NOX4: variants seen among roughly 807,000 people sequenced by gnomAD.
The protein encoded by NOX4 is kidney oxidase-1.
A neutral mutation model predicts 87.6 loss-of-function variants in NOX4; 69 were observed. The observed-to-expected ratio is 0.79, with a 90% CI of 0.65 to 0.96. The LOEUF (loss-of-function observed/expected upper bound fraction) is 0.96. Ranked by LOEUF, NOX4 falls within the 40% of genes least tolerant of loss-of-function variation. The pLI, the probability that NOX4 is intolerant of heterozygous loss-of-function variation, is 0.00. For synonymous variants in NOX4, 275 were observed against 238.2 expected (o/e 1.15, Z -1.42); for missense variants, 680 against 681.5 (o/e 1.00, Z 0.02).
chr11:89,347,851 A>G (rs1565183268), intron 13 of NOX4, among the ~76,000 whole-genome samples: 1 of 152,194 alleles, frequency 6.6e-6, no homozygotes, highest in African/African-American at 2.4e-5. Flanking sequence ...TGCTGGCCCC[A>G]TGCGGTAGCT....
chr11:89,570,527 C>T, the NOX4 span, among the ~76,000 whole-genome samples: 2 of 152,106 alleles, frequency 1.3e-5, no homozygotes, highest in East Asian at 3.9e-4. Flanking sequence ...AAGTGATTTT[C>T]AATATATATG....
Position 89,405,757 on chromosome 11 carries a change from A to C in NOX4, c.630-3215T>G, listed in dbSNP as rs941358645. Among the ~76,000 whole-genome samples, 117 of 151,970 alleles carry C rather than the reference A, an allele frequency of 7.7e-4. 2 individuals carry two copies. The East Asian group carries it at 0.02, about 26-fold the overall frequency. The stretch of plus-strand genomic sequence containing the variant: ...GCCACCTACTGGTTAAAAAAGAAAA[A>C]AAAAAAAAAACTTGCATGGTAAAGA... On this transcript the variant is annotated intron_variant, in intron 8 of 17. Coordinates refer to ENST00000263317, the MANE Select transcript of NOX4 (RefSeq NM_016931.5).
chr11:89,450,006 A>G (rs1309967028), intron 3 of NOX4, among the ~76,000 whole-genome samples: 2 of 152,204 alleles, frequency 1.3e-5, no homozygotes, highest in Non-Finnish European at 2.9e-5. Flanking sequence ...AATCTCATCT[A>G]TAGTTTGAAA....
intron 8 of NOX4, among the ~76,000 whole-genome samples, chr11:89,419,485 G>A (rs1287855849): frequency 6.6e-6 from 1 of 151,482 alleles, no homozygotes; most frequent in African/African-American, 2.4e-5. Flanking sequence ...CATACCAGAA[G>A]CATATCTATT....
At chr11:89,553,808 C>G in the NOX4 span, among the ~76,000 whole-genome samples, 1 of 151,588 alleles carries the variant, frequency 6.6e-6, no homozygotes, top group Non-Finnish European at 1.5e-5. Flanking sequence ...TTATCTTTAC[C>G]AGATAACTGG....
At chr11:89,542,868 G>A in the NOX4 span, among the ~76,000 whole-genome samples, 1 of 152,134 alleles carries the variant, frequency 6.6e-6, no homozygotes, top group African/African-American at 2.4e-5. Context: ...CAACAAAATA[G>A]GAAAAATAAT....
At chr11:89,402,606 A>T in intron 8 of NOX4, 64 bp from the exon 9 acceptor site, 2 of 1,242,270 alleles carry the variant, frequency 1.6e-6, no homozygotes, top group Non-Finnish European at 2.3e-6. Context: ...GGGACACGGT[A>T]AAAGAAAATA....
At chr11:89,373,329 A>G (rs1591051639) in intron 12 of NOX4, 103 bp downstream of exon 12, 7 of 640,688 alleles carry the variant, frequency 1.1e-5, no homozygotes, top group Non-Finnish European at 1.9e-5. Context: ...CTTGAAACAC[A>G]TACACATCTC....
At chr11:89,543,844 TGATA>T in the NOX4 span, among the ~76,000 whole-genome samples, 2 of 152,068 alleles carry the variant, frequency 1.3e-5, no homozygotes, top group Non-Finnish European at 2.9e-5. Context: ...TGTCTGAATT[TGATA>T]GATCAAGAAA....
chr11:89,532,360 G>T, the NOX4 span, among the ~76,000 whole-genome samples: 1 of 152,230 alleles, frequency 6.6e-6, no homozygotes, highest in South Asian at 2.1e-4. Flanking sequence ...TGCCCTGGAT[G>T]TGAGACATGG....
At chr11:89,541,572 T>G in the NOX4 span, among the ~76,000 whole-genome samples, 20 of 152,310 alleles carry the variant, frequency 1.3e-4, no homozygotes, top group Admixed American at 2.0e-4. Context: ...GTTTTCAGCA[T>G]AGTTGATGCT....
chr11:89,362,995 A>C (rs1405051143), intron 12 of NOX4, among the ~76,000 whole-genome samples: 27 of 152,116 alleles, frequency 1.8e-4, no homozygotes, highest in Admixed American at 1.7e-3. Flanking sequence ...TCATGGGCTA[A>C]AGGTCTAGCA....
At chr11:89,426,165 G>A (rs1481162187) in intron 7 of NOX4, among the ~76,000 whole-genome samples, 3 of 152,112 alleles carry the variant, frequency 2.0e-5, no homozygotes, top group African/African-American at 7.2e-5. Flanking sequence ...TTTCTCCAAA[G>A]TTTTGTATAG....
intron 6 of NOX4, among the ~76,000 whole-genome samples, chr11:89,440,451 C>T (rs1944406867): frequency 6.6e-6 from 1 of 152,058 alleles, no homozygotes; most frequent in African/African-American, 2.4e-5. Context: ...TCCTAAGTAG[C>T]TGGGATTACA....
chr11:89,491,323 A>C lies in NOX4; in HGVS notation c.-77T>G, dbSNP rs1946846801. ...GGGCGGCGGCCGGGGCAGCGGTTAC[A>C]GTTGTGCGGCCTGCCGGGCCGCTGA... On this transcript the variant is annotated 5_prime_UTR_variant, in exon 1 of 18. Coordinates refer to ENST00000263317, the MANE Select transcript of NOX4 (RefSeq NM_016931.5). 8 of 1,353,992 alleles carry C rather than the reference A, an allele frequency of 5.9e-6. No individual in the cohort carries two copies. The Admixed American group carries it at 1.9e-4, about 32-fold the overall frequency. 83.9% of individuals were successfully genotyped at this position (1,353,992 alleles called of 1,614,324 possible). A position where few individuals can be genotyped will look rare whatever the true frequency, so the allele number is the denominator to read the frequency against.
chr11:89,345,623 C>G (rs771973286), intron 13 of NOX4, among the ~76,000 whole-genome samples: 1 of 152,134 alleles, frequency 6.6e-6, no homozygotes, highest in Non-Finnish European at 1.5e-5. Flanking sequence ...TCTATTGTTT[C>G]CATCTTCATG....
chr11:89,357,524 T>C (rs1488567135), intron 12 of NOX4, among the ~76,000 whole-genome samples: 1 of 152,148 alleles, frequency 6.6e-6, no homozygotes, highest in Non-Finnish European at 1.5e-5. Flanking sequence ...ACTCATTAAA[T>C]GAGTAATGTG....
the NOX4 span, chr11:89,548,519 A>T: frequency 1.3e-5 from 2 of 152,390 alleles, no homozygotes; most frequent in East Asian, 1.9e-4. Context: ...GCAAAAAAAG[A>T]TCTAAAGACT....
chr11:89,518,468 A>G, the NOX4 span, among the ~76,000 whole-genome samples: 3 of 152,078 alleles, frequency 2.0e-5, no homozygotes, highest in South Asian at 2.1e-4. Context: ...CTAAAATAAT[A>G]TGATTATTTA....
Sources: allele counts gnomAD v4.1 joint callset (sites outside exome capture counted in the v4.1 genomes callset), GRCh38; gene constraint gnomAD v4.1.1; transcripts MANE v1.5; gene names NCBI Gene and HGNC (gene_info 2026-07-23, HGNC 2026-07-21).